The following PRSS35 variants were observed in gnomAD, a reference collection of about 807,000 sequenced individuals.
The protein encoded by PRSS35 is inactive serine protease 35.
PRSS35 carries 7 observed loss-of-function variants against 8.1 expected under a neutral mutation model. The observed-to-expected ratio is 0.86, with a 90% CI of 0.49 to 1.62. The LOEUF (loss-of-function observed/expected upper bound fraction) is 1.62. Ranked by LOEUF, PRSS35 falls within the 40% of genes most tolerant of loss-of-function variation. The probability of loss-of-function intolerance (pLI) is 0.00; values close to 1 mark genes in which losing one functional copy is unlikely to be tolerated. For missense variants in PRSS35, 566 were observed against 518.0 expected (o/e 1.09, Z -0.90); for synonymous variants, 199 against 188.7 (o/e 1.05, Z -0.45).
Position 83,523,946 on chromosome 6 carries a change from C to T in PRSS35, c.505C>T (p.His169Tyr), listed in dbSNP as rs1771874955. 1.9e-6 allele frequency: 3 copies of T among 1,614,130 alleles called. No homozygotes were observed. Among genetic ancestry groups the T allele is most frequent in the Non-Finnish European group, 2.5e-6 (3 of 1,180,018 alleles). The part of the protein sequence containing the change: ...ISPQHVLTAA[H>Y]CVHDGKDYVK... ...CCCTCAGCATGTTCTAACTGCTGCC[C>T]ACTGTGTTCATGATGGAAAGGACTA... The change falls in exon 2 of 2, where the codon CAC becomes TAC. Residue 169 changes from histidine to tyrosine, a missense_variant. His to Tyr is a moderately conservative substitution (Grantham distance 83). Coordinates refer to ENST00000369700, the MANE Select transcript of PRSS35 (RefSeq NM_153362.3).
chr6:83,521,476 C>A (rs1395666275), intron 1 of PRSS35, among the ~76,000 whole-genome samples: 2 of 144,916 alleles, frequency 1.4e-5, no homozygotes, highest in Admixed American at 1.4e-4. Flanking sequence ...TCCTCCCCTC[C>A]CCTCCCCTCC....
At position 83,524,609 on chromosome 6, in the gene PRSS35, C is replaced by T. The variant is rs367851503; in HGVS notation, c.1168C>T (p.Arg390Cys). 9 of 1,614,058 alleles carry T rather than the reference C, an allele frequency of 5.6e-6. No homozygotes were observed. In the East Asian group the frequency reaches 6.7e-5, roughly 12 times the overall value. The change falls in exon 2 of 2, where the codon CGC (arginine) becomes TGC (cysteine). Residue 390 changes from arginine to cysteine, a missense_variant. Transcript: ENST00000369700. ...TCAGAAGGACTACAACGTTGCTGTT[C>T]GCATCACTCCCCTAAAATACGCCCA... ...GVQKDYNVAV[R>C]ITPLKYAQIC...
chr6:83,522,585 T>G, intron 1 of PRSS35, among the ~76,000 whole-genome samples: 1 of 152,204 alleles, frequency 6.6e-6, no homozygotes. Context: ...ACTTCATAAA[T>G]TCTTACAAAT....
chr6:83,517,813 A>G (rs1583458064), intron 1 of PRSS35, among the ~76,000 whole-genome samples: 1 of 152,346 alleles, frequency 6.6e-6, no homozygotes, highest in South Asian at 2.1e-4. Flanking sequence ...TGGTCATGCA[A>G]TCATTGGTGT....
chr6:83,524,746 T>C lies in PRSS35; in HGVS notation c.*63T>C. 7 of 1,472,394 alleles carry C rather than the reference T, an allele frequency of 4.8e-6. No homozygotes were observed. Among genetic ancestry groups the C allele is most frequent in the Non-Finnish European group, 5.5e-6 (6 of 1,094,544 alleles). The allele number at this position is 1,472,394 out of a possible 1,614,324, so 91.2% of individuals were successfully genotyped here. A position where few individuals can be genotyped will look rare whatever the true frequency, so the allele number is the denominator to read the frequency against. On this transcript the variant is annotated 3_prime_UTR_variant, in exon 2 of 2. Transcript: ENST00000369700. ...CAGAGAAAACCAGCTCTGCTTACCG[T>C]AGTGAGATCACTTCATAGGTTATGC...
chr6:83,521,846 A>G (rs1234745758), intron 1 of PRSS35, among the ~76,000 whole-genome samples: 2 of 152,116 alleles, frequency 1.3e-5, no homozygotes, highest in Admixed American at 6.6e-5. Flanking sequence ...TAATTATGTT[A>G]TGTTTTCATT....
intron 1 of PRSS35, among the ~76,000 whole-genome samples, chr6:83,514,504 C>G (rs1022195579): frequency 2.0e-4 from 31 of 152,078 alleles, no homozygotes; most frequent in African/African-American, 7.2e-4. Flanking sequence ...TTTTTGGTCT[C>G]CATTTATGAA....
chr6:83,513,884 G>T (rs1242973155), intron 1 of PRSS35, among the ~76,000 whole-genome samples: 1 of 151,904 alleles, frequency 6.6e-6, no homozygotes, highest in Non-Finnish European at 1.5e-5. Context: ...TTGGGTAAAT[G>T]ATTTTCCTCT....
Position 83,523,682 on chromosome 6 carries a change from T to C in PRSS35, c.241T>C (p.Tyr81His), listed in dbSNP as rs960761155. 5.0e-6 allele frequency: 8 copies of C among 1,614,088 alleles called. No individual in the cohort carries two copies. The highest frequency in any genetic ancestry group is 6.8e-6 in the Non-Finnish European group (8 of 1,180,040). The part of the protein sequence containing the change: ...PTPSLSELED[Y>H]LSYETVFENG... The stretch of plus-strand genomic sequence containing the variant: ...TCCCAGCCTTTCTGAATTGGAGGAT[T>C]ATCTTTCCTATGAGACTGTCTTTGA... Residue 81 changes from tyrosine to histidine, a missense_variant, in exon 2 of 2, where the codon TAT (tyrosine) becomes CAT (histidine). Coordinates refer to ENST00000369700, the MANE Select transcript of PRSS35 (RefSeq NM_153362.3).
chr6:83,519,491 CT>C (rs1482392867), intron 1 of PRSS35, among the ~76,000 whole-genome samples: 1 of 148,744 alleles, frequency 6.7e-6, no homozygotes, highest in Non-Finnish European at 1.5e-5. Context: ...GGGACTGTGT[CT>C]TTTTAGATCA....
In PRSS35 at chr6:83,524,429, G is replaced by T; in HGVS notation, c.988G>T (p.Glu330Ter). The T allele has an allele frequency of 6.2e-7, 1 of 1,614,134 alleles. No individual in the cohort carries two copies. The highest frequency in any genetic ancestry group is 8.5e-7 in the Non-Finnish European group (1 of 1,180,030). Residue 330 changes from glutamate to a stop codon, truncating the protein, a stop_gained, in exon 2 of 2, where the codon GAA (glutamate) becomes TAA (stop). Coordinates refer to ENST00000369700, the MANE Select transcript of PRSS35 (RefSeq NM_153362.3). LOFTEE classifies it high-confidence loss of function. ...CTATCGGTTTTGCAGTGTGTCCGAC[G>T]AATCCAATGATCTCCTTTACCAATA... ...LVYRFCSVSD[E>*]SNDLLYQYCD... is the part of the protein sequence containing the mutation.
intron 1 of PRSS35, among the ~76,000 whole-genome samples, chr6:83,516,876 C>T (rs1171113): frequency 0.74 from 113,112 of 152,012 alleles, 42,280 homozygotes; most frequent in East Asian, 0.88. Flanking sequence ...ACCTGGATAA[C>T]CCAGAATAAC....
chr6:83,523,179 G>A (rs1771853924), intron 1 of PRSS35, among the ~76,000 whole-genome samples: 2 of 152,172 alleles, frequency 1.3e-5, no homozygotes, highest in Non-Finnish European at 2.9e-5. Context: ...ACAGGTTGGG[G>A]TGGGAGCGAG....
chr6:83,520,830 G>A (rs1003429231), intron 1 of PRSS35, among the ~76,000 whole-genome samples: 5 of 152,166 alleles, frequency 3.3e-5, no homozygotes, highest in Admixed American at 1.3e-4. Flanking sequence ...CAGGATAAAC[G>A]TAACTGGGGA....
In PRSS35 at chr6:83,524,879, A is replaced by G; in HGVS notation, c.*196A>G. On this transcript the variant is annotated 3_prime_UTR_variant, in exon 2 of 2. Transcript: ENST00000369700. ...GATATTGAAACTAGGTGGGCACTTC[A>G]ATGCCAAGTATATACTCTTCTTTAC... The G allele has an allele frequency of 1.7e-6, 1 of 600,114 alleles. No homozygotes were observed. The highest frequency in any genetic ancestry group is 2.9e-6 in the Non-Finnish European group (1 of 345,418). 37.2% of individuals were successfully genotyped at this position (600,114 alleles called of 1,614,324 possible).
Position 83,523,483 on chromosome 6 carries a change from G to T in PRSS35, c.42G>T (p.Gly14=), listed in dbSNP as rs762237081. ...TTTGGTTGATATTTTTCACCCCTGG[G>T]TGGACCCTCATTGATGGATCTGAAA... ...MLLWLIFFTP[G]WTLIDGSEME... Residue 14 remains glycine (G), a synonymous_variant, in exon 2 of 2, where the codon GGG becomes GGT. Transcript: ENST00000369700. 9.9e-6 allele frequency: 16 copies of T among 1,614,124 alleles called. No individual in the cohort carries two copies. Among genetic ancestry groups the T allele is most frequent in the Non-Finnish European group, 8.5e-7 (1 of 1,180,010 alleles).
chr6:83,515,510 C>T (rs577806), intron 1 of PRSS35, among the ~76,000 whole-genome samples: 88,622 of 147,782 alleles, frequency 0.6, 26,073 homozygotes, highest in Admixed American at 0.69. Context: ...TGTTTGTTTG[C>T]TTTGAGACAG....
At chr6:83,520,057 A>G (rs1432912996) in intron 1 of PRSS35, among the ~76,000 whole-genome samples, 2 of 151,496 alleles carry the variant, frequency 1.3e-5, no homozygotes, top group African/African-American at 4.8e-5. Flanking sequence ...TGACAGAGCC[A>G]GACTGACTCT....
rs534977771 is a variant in PRSS35 at position 83,513,363 on chromosome 6, A to C, written c.-21+669A>C. On this transcript the variant is annotated intron_variant, in intron 1 of 1. Transcript: ENST00000369700. ...TAAAAGGTTTTTTAAAAAGTTGTAG[A>C]AACACTCCCGCTTGATTGCTCTGAC... Among the ~76,000 whole-genome samples, 7 of 152,338 alleles carry C rather than the reference A, an allele frequency of 4.6e-5. 2 individuals carry two copies. The East Asian group carries it at 9.6e-4, about 21-fold the overall frequency.
Sources: gnomAD v4.1 joint callset for allele counts (sites outside exome capture counted in the v4.1 genomes callset) on GRCh38, gnomAD v4.1.1 for gene constraint, MANE v1.5 for transcripts, NCBI Gene and HGNC (gene_info 2026-07-23, HGNC 2026-07-21) for gene names.